Variants in CD6 observed in about 807,000 individuals in gnomAD.
The protein encoded by CD6 is CD6 molecule, also known as T-cell differentiation antigen CD6.
Under a neutral mutation model 75.3 loss-of-function variants are expected in CD6, and 53 were observed. The observed-to-expected ratio is 0.70, with a 90% CI of 0.56 to 0.88. CD6 has a LOEUF of 0.88. CD6 is among the 40% of genes least tolerant of loss of function. CD6 has a pLI of 0.00. For missense variants in CD6, 770 were observed against 897.1 expected (o/e 0.86, Z 1.81); for synonymous variants, 359 against 381.5 (o/e 0.94, Z 0.69).
chr11:61,016,183 G>T (rs1249511240), intron 9 of CD6, among the ~76,000 whole-genome samples: 15 of 152,146 alleles, frequency 9.9e-5, no homozygotes, highest in Admixed American at 9.8e-4. Context: ...GTTGGCAGGG[G>T]TTCTCGCATG....
At chr11:60,988,483 A>C (rs2135058416) in intron 1 of CD6, among the ~76,000 whole-genome samples, 1 of 151,670 alleles carries the variant, frequency 6.6e-6, no homozygotes, top group Non-Finnish European at 1.5e-5. Flanking sequence ...TAAAGAGAGG[A>C]GGTGAGTGGT....
At chr11:61,005,713 C>T (rs1858814616) in intron 1 of CD6, among the ~76,000 whole-genome samples, 1 of 152,172 alleles carries the variant, frequency 6.6e-6, no homozygotes, top group African/African-American at 2.4e-5. Context: ...AGGCAGATCA[C>T]CTGAGGTCAG....
chr11:61,019,023 G>C (rs1250420572), intron 12 of CD6: 1 of 442,926 alleles, frequency 2.3e-6, no homozygotes, highest in Admixed American at 3.7e-5. Flanking sequence ...ATCGTCCACC[G>C]TGTCGTGCAG....
rs566423784 is a variant in CD6, at chr11:60,976,123, G to A, written c.49+4209G>A. Among the ~76,000 whole-genome samples, 23 of 152,274 alleles carry A rather than the reference G, an allele frequency of 1.5e-4. No individual in the cohort carries two copies. In the South Asian group the frequency reaches 4.8e-3, roughly 32 times the overall value. ...GGATTATAGTGTACCCAGCACTGGA[G>A]TGTTGTACATTGTACCCAATAAGTA... On this transcript the variant is annotated intron_variant, in intron 1 of 12. Transcript: ENST00000313421.
intron 1 of CD6, among the ~76,000 whole-genome samples, chr11:60,995,133 TTTTC>T (rs1268047921): frequency 1.3e-5 from 2 of 152,002 alleles, no homozygotes; most frequent in Admixed American, 1.3e-4. Flanking sequence ...GTCTTTTTTT[TTTTC>T]TTTTTCTTTC....
At chr11:61,001,357 C>T (rs1271959785) in intron 1 of CD6, among the ~76,000 whole-genome samples, 5 of 152,016 alleles carry the variant, frequency 3.3e-5, no homozygotes, top group Admixed American at 2.6e-4. Context: ...CACCTGCCAC[C>T]ACGCCTGGCT....
At chr11:60,985,274 C>T (rs1172016761) in intron 1 of CD6, 2 of 149,914 alleles carry the variant, frequency 1.3e-5, no homozygotes, top group Non-Finnish European at 3.0e-5. Flanking sequence ...ACCTCTGCCT[C>T]CCGGGTTCAA....
At chr11:60,993,942 C>T (rs1858167401) in intron 1 of CD6, among the ~76,000 whole-genome samples, 1 of 152,166 alleles carries the variant, frequency 6.6e-6, no homozygotes, top group Non-Finnish European at 1.5e-5. Context: ...GGAGTCCCAG[C>T]AATTGAACGT....
At position 61,020,106 on chromosome 11, in the gene CD6, A is replaced by C. The variant is rs1191420938; in HGVS notation, c.*788A>C. ...GAGGGCCCCAGCCCAGCCCCACCAC[A>C]GATCCCAGAGATAGGGGCCCAGTCT... On this transcript the variant is annotated 3_prime_UTR_variant, in exon 13 of 13. Coordinates refer to ENST00000313421, the MANE Select transcript of CD6 (RefSeq NM_006725.5). 2.5e-6 allele frequency: 1 copy of C among 398,580 alleles called. No homozygotes were observed. 24.7% of individuals were successfully genotyped at this position (398,580 alleles called of 1,614,324 possible).
At chr11:61,018,261 G>T in intron 11 of CD6, 28 bp from the exon 12 acceptor site, 1 of 1,545,038 alleles carries the variant, frequency 6.5e-7, no homozygotes, top group South Asian at 1.2e-5. Context: ...TGTGCTGGCA[G>T]AGGGTGACTG....
chr11:60,977,343 TG>T (rs1028833204), intron 1 of CD6, among the ~76,000 whole-genome samples: 4 of 152,094 alleles, frequency 2.6e-5, no homozygotes, highest in African/African-American at 9.7e-5. Flanking sequence ...TCTCCCTGCC[TG>T]GACCACAGAT....
chr11:60,994,912 TG>T (rs1368697276), intron 1 of CD6, among the ~76,000 whole-genome samples: 1 of 152,158 alleles, frequency 6.6e-6, no homozygotes, highest in African/African-American at 2.4e-5. Flanking sequence ...GAGAGCCAAG[TG>T]GGTATAAGCT....
At position 61,009,612 on chromosome 11, in the gene CD6, C is replaced by T. The variant is rs759822937; in HGVS notation, c.822C>T (p.Cys274=). ...GCCTGACAGGGGGCGCTGACCGCTGCGAGGGGCAGGTGGAGGTACACTTCC... is the reference window on the plus strand; with the variant it reads ...GCCTGACAGGGGGCGCTGACCGCTGTGAGGGGCAGGTGGAGGTACACTTCC... The part of the protein sequence containing the change: ...SWRLTGGADR[C]EGQVEVHFRG... Residue 274 remains cysteine, a synonymous_variant, in exon 5 of 13, where the codon TGC becomes TGT. Coordinates refer to ENST00000313421, the MANE Select transcript of CD6 (RefSeq NM_006725.5). 1.9e-5 allele frequency: 30 copies of T among 1,612,412 alleles called. No homozygotes were observed. In the Middle Eastern group the frequency reaches 6.9e-4, roughly 37 times the overall value.
chr11:60,991,253 C>A (rs1053335841), intron 1 of CD6, among the ~76,000 whole-genome samples: 1 of 146,710 alleles, frequency 6.8e-6, no homozygotes, highest in Non-Finnish European at 1.5e-5. Flanking sequence ...TGGGTTCAAG[C>A]GATTCTCCTG....
intron 1 of CD6, among the ~76,000 whole-genome samples, chr11:60,979,090 GC>G (rs948535666): frequency 3.3e-5 from 5 of 152,232 alleles, no homozygotes; most frequent in African/African-American, 1.2e-4. Flanking sequence ...CAGGACCTGA[GC>G]TTGGGTCTCC....
intron 1 of CD6, among the ~76,000 whole-genome samples, chr11:60,995,117 G>A (rs971637998): frequency 2.3e-4 from 34 of 150,238 alleles, no homozygotes; most frequent in African/African-American, 8.1e-4. Flanking sequence ...ATGAGCCAGC[G>A]CATGCGTCTT....
intron 1 of CD6, among the ~76,000 whole-genome samples, chr11:61,000,444 A>G (rs977153960): frequency 2.0e-5 from 3 of 151,966 alleles, no homozygotes; most frequent in African/African-American, 7.3e-5. Context: ...CTCTTCATCC[A>G]TCATCCACTC....
In CD6 at chr11:61,008,764, G is replaced by A. The variant is rs1377808935; in HGVS notation, c.700G>A (p.Glu234Lys). The change falls in exon 4 of 13, where the codon GAA becomes AAA. Residue 234 changes from glutamate to lysine, a missense_variant. Transcript: ENST00000313421. ...GGACCAGGTGAACTGCTCGGGGGCC[G>A]AAGCTTACCTGTGGGACTGCCCGGG... The part of the protein sequence containing the change: ...HRDQVNCSGA[E>K]AYLWDCPGLP... The A allele has an allele frequency of 6.2e-7, 1 of 1,602,924 alleles. No individual in the cohort carries two copies. Among genetic ancestry groups the A allele is most frequent in the Non-Finnish European group, 8.5e-7 (1 of 1,173,024 alleles).
intron 1 of CD6, among the ~76,000 whole-genome samples, chr11:60,991,530 ATC>A (rs1475302869): frequency 6.6e-6 from 1 of 151,932 alleles, no homozygotes; most frequent in Non-Finnish European, 1.5e-5. Flanking sequence ...TGTTTTTTCC[ATC>A]TACGATACAT....
Sources: allele counts gnomAD v4.1 joint callset (sites outside exome capture counted in the v4.1 genomes callset), GRCh38; gene constraint gnomAD v4.1.1; transcripts MANE v1.5; gene names NCBI Gene and HGNC (gene_info 2026-07-23, HGNC 2026-07-21).